BCKDHA: variants seen among roughly 807,000 people sequenced by gnomAD.
BCKDHA encodes the protein 2-oxoisovalerate dehydrogenase subunit alpha, mitochondrial.
A neutral mutation model predicts 52.2 loss-of-function variants in BCKDHA; 43 were observed. That is an observed-to-expected ratio of 0.82 (90% CI 0.64 to 1.06). The LOEUF (loss-of-function observed/expected upper bound fraction) is 1.06, where lower values mean the gene tolerates loss of function less well. Ranked by LOEUF, BCKDHA falls within the 50% of genes least tolerant of loss-of-function variation. BCKDHA has a pLI of 0.00. For synonymous variants in BCKDHA, 234 were observed against 247.9 expected, an observed-to-expected ratio of 0.94 and a Z score of 0.53; for missense variants, 527 against 621.3, an observed-to-expected ratio of 0.85 and a Z score of 1.61.
intron 1 of BCKDHA, among the ~76,000 whole-genome samples, chr19:41,398,506 T>C (rs1420569368): frequency 6.6e-6 from 1 of 152,192 alleles, no homozygotes; most frequent in African/African-American, 2.4e-5. Flanking sequence ...TCGTGTGTTC[T>C]GGACACTGTA....
At chr19:41,414,447 C>T (rs2039287997) in intron 4 of BCKDHA, among the ~76,000 whole-genome samples, 1 of 152,088 alleles carries the variant, frequency 6.6e-6, no homozygotes, top group South Asian at 2.1e-4. Flanking sequence ...TTTCTAATCT[C>T]CAGAAGAGGG....
At chr19:41,399,728 C>T (rs1347648177) in intron 1 of BCKDHA, 1 of 148,562 alleles carries the variant, frequency 6.7e-6, no homozygotes, top group Non-Finnish European at 1.5e-5. Context: ...CTTTCCTTTC[C>T]TTTCCTTTTC....
intron 3 of BCKDHA, among the ~76,000 whole-genome samples, chr19:41,411,951 C>T (rs572444049): frequency 1.3e-5 from 2 of 152,308 alleles, no homozygotes; most frequent in African/African-American, 2.4e-5. Flanking sequence ...TCATCAGTTT[C>T]CCCCACAGCA....
At chr19:41,405,814 G>T (rs2123245408) in intron 1 of BCKDHA, among the ~76,000 whole-genome samples, 1 of 152,290 alleles carries the variant, frequency 6.6e-6, no homozygotes, top group South Asian at 2.1e-4. Context: ...CTCCACCAGG[G>T]TCACCCCAGT....
intron 1 of BCKDHA, among the ~76,000 whole-genome samples, chr19:41,400,103 C>T (rs1475033432): frequency 6.6e-6 from 1 of 152,008 alleles, no homozygotes. Context: ...CACTCTGTCA[C>T]CCAGGCTGGA....
chr19:41,410,928 G>C lies in BCKDHA; in HGVS notation c.294G>C (p.Pro98=), dbSNP rs142967869. 2 of 1,614,088 alleles carry C rather than the reference G, an allele frequency of 1.2e-6. No homozygotes were observed. Among genetic ancestry groups the C allele is most frequent in the Non-Finnish European group, 1.7e-6 (2 of 1,180,014 alleles). ...IINPSEDPHL[P]KEKVLKLYKS... is the part of the protein sequence containing the mutation. ...ATCTGTGCCTCCACCCGCAGCTGCC[G>C]AAGGAGAAGGTGCTGAAGCTCTACA... The change falls in exon 3 of 9, where the codon CCG becomes CCC. Residue 98 remains proline, a synonymous_variant. Transcript: ENST00000269980.
intron 3 of BCKDHA, among the ~76,000 whole-genome samples, chr19:41,411,305 C>T (rs946507093): frequency 6.6e-6 from 1 of 152,128 alleles, no homozygotes; most frequent in African/African-American, 2.4e-5. Context: ...AATGCACAGT[C>T]CTGAGAAACA....
At chr19:41,398,326 G>T (rs2039099543) in intron 1 of BCKDHA, among the ~76,000 whole-genome samples, 1 of 152,160 alleles carries the variant, frequency 6.6e-6, no homozygotes, top group Non-Finnish European at 1.5e-5. Context: ...ACTTTCTTCT[G>T]GGCAAAGATC....
intron 8 of BCKDHA, among the ~76,000 whole-genome samples, chr19:41,424,111 C>T (rs1044275966): frequency 2.2e-4 from 34 of 152,146 alleles, no homozygotes; most frequent in African/African-American, 8.2e-4. Flanking sequence ...AGGGCCCGTG[C>T]AGCCCAGTGG....
intron 1 of BCKDHA, 46 bp downstream of exon 1, chr19:41,397,981 T>A: frequency 6.6e-7 from 1 of 1,522,102 alleles, no homozygotes; most frequent in Non-Finnish European, 9.1e-7. Flanking sequence ...GGATTAGGGA[T>A]GTAAAGGCTA....
At chr19:41,416,793 C>T (rs1359461187) in intron 4 of BCKDHA, among the ~76,000 whole-genome samples, 1 of 152,044 alleles carries the variant, frequency 6.6e-6, no homozygotes, top group Non-Finnish European at 1.5e-5. Context: ...GTGGTGCACA[C>T]CTGTAGTCCC....
Position 41,397,882 on chromosome 19 carries a change from C to T in BCKDHA, c.55C>T (p.Gln19Ter). 6.2e-7 allele frequency: 1 copy of T among 1,614,152 alleles called. No individual in the cohort carries two copies. The highest frequency in any genetic ancestry group is 8.5e-7 in the Non-Finnish European group (1 of 1,180,036). The part of the protein sequence containing the change: ...RVWRLNRGLS[Q>*]AALLLLRQPG... ...CTGGCGGCTAAACCGTGGTTTGAGC[C>T]AGGCTGCCCTCCTGCTGCTGCGGCA... Residue 19 changes from glutamine to a stop codon, truncating the protein, a stop_gained, in exon 1 of 9, where the codon CAG becomes TAG. Transcript: ENST00000269980. LOFTEE classifies it high-confidence loss of function.
chr19:41,422,518 G>A lies in BCKDHA; in HGVS notation c.854-111G>A. The A allele has an allele frequency of 2.1e-5, 33 of 1,579,400 alleles. No homozygotes were observed. In the South Asian group the frequency reaches 3.7e-4, roughly 18 times the overall value. On this transcript the variant is annotated intron_variant, in intron 6 of 8. Transcript: ENST00000269980. ...GCACTTGGTCAGCCACAGGAGTTGA[G>A]GTCCTGAGCACTCAGCCTTGCTCTC...
chr19:41,413,307 G>A (rs547219996), intron 3 of BCKDHA, among the ~76,000 whole-genome samples: 7 of 152,250 alleles, frequency 4.6e-5, no homozygotes, highest in Non-Finnish European at 8.8e-5. Context: ...GGCTGCAAGG[G>A]AGGCCAGGGA....
At chr19:41,413,459 C>T (rs114279979) in intron 3 of BCKDHA, among the ~76,000 whole-genome samples, 3,273 of 152,226 alleles carry the variant, frequency 0.022, 115 homozygotes, top group African/African-American at 0.073. Flanking sequence ...GCTCCTCTCC[C>T]GCCTCCCTCT....
intron 1 of BCKDHA, among the ~76,000 whole-genome samples, chr19:41,403,524 C>A (rs900091742): frequency 6.6e-6 from 1 of 152,220 alleles, no homozygotes; most frequent in African/African-American, 2.4e-5. Flanking sequence ...TGCCAGTCTT[C>A]AGGGTCCCAG....
At chr19:41,410,521 A>G in intron 1 of BCKDHA, 116 bp from the exon 2 acceptor site, 1 of 1,158,632 alleles carries the variant, frequency 8.6e-7, no homozygotes, top group Non-Finnish European at 1.3e-6. Context: ...CAGGCCCCAG[A>G]GTTCACTGGG....
intron 2 of BCKDHA, 31 bp downstream of exon 2, chr19:41,410,847 C>A (rs1224236586): frequency 1.2e-6 from 2 of 1,613,598 alleles, no homozygotes; most frequent in Non-Finnish European, 1.7e-6. Context: ...CTTCCCGTGC[C>A]CCCCACGCCC....
In BCKDHA at chr19:41,419,312, C is replaced by G; in HGVS notation, c.646+16C>G. 6.2e-7 allele frequency: 1 copy of G among 1,607,044 alleles called. No individual in the cohort carries two copies. Among genetic ancestry groups the G allele is most frequent in the Non-Finnish European group, 8.5e-7 (1 of 1,176,668 alleles). ...ATCCCTCAGGGTGAGGATGCATGCC[C>G]TGTACCTTGCACATGTGCAGACCAA... On this transcript the variant is annotated intron_variant, in intron 5 of 8. Coordinates refer to ENST00000269980, the MANE Select transcript of BCKDHA (RefSeq NM_000709.4).
Sources: gnomAD v4.1 joint callset for allele counts (sites outside exome capture counted in the v4.1 genomes callset) on GRCh38, gnomAD v4.1.1 for gene constraint, MANE v1.5 for transcripts, NCBI Gene and HGNC (gene_info 2026-07-23, HGNC 2026-07-21) for gene names.